PDZD2: variants seen among roughly 807,000 people sequenced by gnomAD.
The protein encoded by PDZD2 is PDZ domain-containing protein 2.
PDZD2 carries 90 observed loss-of-function variants against 220.7 expected under a neutral mutation model. The observed-to-expected ratio is 0.41, with a 90% confidence interval of 0.34 to 0.49. The LOEUF (loss-of-function observed/expected upper bound fraction) is 0.49, where lower values mean the gene tolerates loss of function less well. Ranked by LOEUF, PDZD2 falls within the 20% of genes least tolerant of loss-of-function variation. The pLI, the probability that PDZD2 is intolerant of heterozygous loss-of-function variation, is 0.28. For synonymous variants in PDZD2, 1,375 were observed against 1,450.5 expected (o/e 0.95, Z 1.18); for missense variants, 3,174 against 3,608.5 (o/e 0.88, Z 3.08).
At chr5:31,723,855 C>T (rs1748950320) in intron 1 of PDZD2, among the ~76,000 whole-genome samples, 1 of 151,974 alleles carries the variant, frequency 6.6e-6, no homozygotes, top group African/African-American at 2.4e-5. Flanking sequence ...TGATCTCAGG[C>T]GATCCGCCCA....
intron 1 of PDZD2, among the ~76,000 whole-genome samples, chr5:31,666,846 C>G (rs1746006942): frequency 6.6e-6 from 1 of 152,094 alleles, no homozygotes; most frequent in African/African-American, 2.4e-5. Flanking sequence ...ATTCAGGAAC[C>G]CTCAGACTCT....
chr5:31,960,369 C>G (rs1373383125), intron 2 of PDZD2, among the ~76,000 whole-genome samples: 1 of 152,066 alleles, frequency 6.6e-6, no homozygotes, highest in Non-Finnish European at 1.5e-5. Context: ...AGGATTACAC[C>G]ACTACACCAC....
intron 2 of PDZD2, among the ~76,000 whole-genome samples, chr5:31,803,411 A>G (rs1219446997): frequency 6.6e-6 from 1 of 151,644 alleles, no homozygotes; most frequent in Non-Finnish European, 1.5e-5. Context: ...GGGGCTCCAT[A>G]GGCTTTATTG....
At chr5:32,011,104 T>C (rs142364136) in intron 6 of PDZD2, among the ~76,000 whole-genome samples, 1 of 152,224 alleles carries the variant, frequency 6.6e-6, no homozygotes, top group East Asian at 1.9e-4. Flanking sequence ...ACAAGGATTT[T>C]GCTGCTATGC....
chr5:31,760,003 T>C (rs1654299071), intron 1 of PDZD2, among the ~76,000 whole-genome samples: 1 of 152,238 alleles, frequency 6.6e-6, no homozygotes, highest in Non-Finnish European at 1.5e-5. Flanking sequence ...CTCAGGACTC[T>C]GCATTTGCAG....
intron 1 of PDZD2, among the ~76,000 whole-genome samples, chr5:31,661,000 C>G (rs1466089895): frequency 2.0e-5 from 3 of 152,142 alleles, no homozygotes; most frequent in Admixed American, 2.0e-4. Context: ...TCCCAAAGTG[C>G]TGGGATAACA....
intron 1 of PDZD2, among the ~76,000 whole-genome samples, chr5:31,642,659 G>T (rs1158665926): frequency 6.6e-6 from 1 of 152,202 alleles, no homozygotes; most frequent in African/African-American, 2.4e-5. Flanking sequence ...AAAGAGATGT[G>T]GGAGAGAGTA....
intron 2 of PDZD2, among the ~76,000 whole-genome samples, chr5:31,939,495 C>G (rs1746038594): frequency 1.3e-5 from 2 of 152,168 alleles, no homozygotes; most frequent in Non-Finnish European, 2.9e-5. Context: ...GAAGGGTTGG[C>G]TTTGGGTTCC....
intron 2 of PDZD2, among the ~76,000 whole-genome samples, chr5:31,891,401 C>T (rs986288043): frequency 3.9e-5 from 6 of 151,998 alleles, no homozygotes; most frequent in East Asian, 1.9e-4. Context: ...ACCGCAACTT[C>T]GCCTCCCAGG....
Position 31,761,259 on chromosome 5 carries a change from G to A in PDZD2, c.-360-37630G>A, listed in dbSNP as rs540953040. Among the ~76,000 whole-genome samples the A allele has an allele frequency of 5.3e-5, 8 of 152,280 alleles. No individual in the cohort carries two copies. In the South Asian group the frequency reaches 1.5e-3, roughly 28 times the overall value. ...ACGGAAAAATAACAAGGGCAGCAGCGTTTTAGTCTGGAATATTAGTTTGGT... is the reference window on the plus strand; with the variant it reads ...ACGGAAAAATAACAAGGGCAGCAGCATTTTAGTCTGGAATATTAGTTTGGT... On this transcript the variant is annotated intron_variant, in intron 1 of 24. Coordinates refer to ENST00000438447, the MANE Select transcript of PDZD2 (RefSeq NM_178140.4).
chr5:31,703,588 G>A (rs779838492), intron 1 of PDZD2, among the ~76,000 whole-genome samples: 34 of 152,104 alleles, frequency 2.2e-4, no homozygotes, highest in Admixed American at 6.6e-5. Flanking sequence ...CATGCATGCC[G>A]ATGTAATAAA....
intron 19 of PDZD2, among the ~76,000 whole-genome samples, chr5:32,085,958 C>T (rs1325149942): frequency 6.6e-6 from 1 of 151,830 alleles, no homozygotes; most frequent in African/African-American, 2.4e-5. Context: ...TAACGGTACT[C>T]TTCCATTGTC....
intron 1 of PDZD2, among the ~76,000 whole-genome samples, chr5:31,790,031 G>GGCCACCCC (rs1458075565): frequency 1.3e-5 from 2 of 152,218 alleles, no homozygotes; most frequent in East Asian, 3.8e-4. Flanking sequence ...TCCTCACTCT[G>GGCCACCCC]GCCACCCCTT....
intron 1 of PDZD2, among the ~76,000 whole-genome samples, chr5:31,762,121 T>C (rs1192079871): frequency 2.0e-5 from 3 of 152,200 alleles, no homozygotes; most frequent in African/African-American, 7.2e-5. Flanking sequence ...TCCACCCTCT[T>C]GGTCTAATCC....
intron 1 of PDZD2, among the ~76,000 whole-genome samples, chr5:31,727,358 A>G (rs1354918451): frequency 6.6e-6 from 1 of 152,146 alleles, no homozygotes. Context: ...TTCCTCCAAT[A>G]CTACCTCCCA....
intron 2 of PDZD2, among the ~76,000 whole-genome samples, chr5:31,817,655 A>G (rs1228295712): frequency 1.4e-5 from 2 of 141,304 alleles, no homozygotes; most frequent in East Asian, 1.9e-4. Flanking sequence ...ATATTTATCC[A>G]TCTATCTATC....
chr5:31,993,628 A>G (rs1167240383), intron 3 of PDZD2, among the ~76,000 whole-genome samples: 1 of 152,120 alleles, frequency 6.6e-6, no homozygotes, highest in Non-Finnish European at 1.5e-5. Flanking sequence ...TTGTACCTTA[A>G]CGGTTCCATT....
intron 6 of PDZD2, among the ~76,000 whole-genome samples, chr5:32,026,679 G>A (rs537105922): frequency 6.6e-6 from 1 of 152,056 alleles, no homozygotes. Flanking sequence ...ATGACCCAAG[G>A]GTCTACCTTG....
chr5:31,979,257 A>C (rs1750059334), intron 2 of PDZD2, among the ~76,000 whole-genome samples: 1 of 152,202 alleles, frequency 6.6e-6, no homozygotes, highest in Admixed American at 6.5e-5. Context: ...TCAGAGGCCT[A>C]AGACAACTTG....
Sources: allele counts gnomAD v4.1 joint callset (sites outside exome capture counted in the v4.1 genomes callset), GRCh38; gene constraint gnomAD v4.1.1; transcripts MANE v1.5; gene names NCBI Gene and HGNC (gene_info 2026-07-23, HGNC 2026-07-21).